Variants in FAF1 observed in about 807,000 individuals in gnomAD.
FAF1 encodes the protein FAS-associated factor 1.
In FAF1, 25 loss-of-function variants were observed where a neutral mutation model predicts 92.5. The ratio of observed to expected loss-of-function variants is 0.27; its 90% confidence interval spans 0.20 to 0.38. The LOEUF (loss-of-function observed/expected upper bound fraction) is 0.38, where lower values mean the gene tolerates loss of function less well. Ranked by LOEUF, FAF1 falls within the 10% of genes least tolerant of loss-of-function variation. The pLI is 1.00. For synonymous variants in FAF1, 234 were observed against 273.2 expected, an observed-to-expected ratio of 0.86 and a Z score of 1.42; for missense variants, 636 against 793.3, an observed-to-expected ratio of 0.80 and a Z score of 2.38.
In FAF1 at chr1:50,583,975, G is replaced by A. The variant is rs1049239322; in HGVS notation, c.968-260C>T. ...TTGAAAAACCAATGGACACAATCCTGCTAAGCATTTAAAATATGTGCCCAG... is the reference window on the plus strand; with the variant it reads ...TTGAAAAACCAATGGACACAATCCTACTAAGCATTTAAAATATGTGCCCAG... On this transcript the variant is annotated intron_variant, in intron 10 of 18. Transcript: ENST00000396153. The surrounding 1 kb of genome is among the most constrained non-coding windows in gnomAD (Gnocchi z 4.2). 2.0e-5 allele frequency among the ~76,000 whole-genome samples: 3 copies of A among 152,042 alleles called. No individual in the cohort carries two copies. The highest frequency in any genetic ancestry group is 7.2e-5 in the African/African-American group (3 of 41,420).
chr1:50,794,789 A>ATTTTTT (rs59806816), intron 3 of FAF1, among the ~76,000 whole-genome samples: 6 of 123,494 alleles, frequency 4.9e-5, no homozygotes, highest in Non-Finnish European at 3.4e-5. Context: ...TCACCCAGCT[A>ATTTTTT]TTTTTTTTTT....
chr1:50,648,866 C>A (rs1557454950), intron 8 of FAF1, among the ~76,000 whole-genome samples: 1 of 152,172 alleles, frequency 6.6e-6, no homozygotes, highest in Non-Finnish European at 1.5e-5. Context: ...GCGGAGGTTG[C>A]GGTGAGCCAA....
At chr1:50,946,849 AC>A (rs1177389333) in intron 1 of FAF1, among the ~76,000 whole-genome samples, 36 of 152,276 alleles carry the variant, frequency 2.4e-4, no homozygotes, top group African/African-American at 7.9e-4. Context: ...AGCCTAAAGA[AC>A]CCAAATCTTT....
intron 2 of FAF1, among the ~76,000 whole-genome samples, chr1:50,848,998 C>T (rs1207069394): frequency 1.3e-5 from 2 of 152,126 alleles, no homozygotes; most frequent in Admixed American, 1.3e-4. Flanking sequence ...GTGGCTCATG[C>T]CTATAATCCC....
At chr1:50,789,650 T>A (rs551727744) in intron 3 of FAF1, among the ~76,000 whole-genome samples, 1 of 152,312 alleles carries the variant, frequency 6.6e-6, no homozygotes, top group Admixed American at 6.5e-5. Flanking sequence ...TCCCTTTATA[T>A]GTACTCCTGC....
intron 8 of FAF1, among the ~76,000 whole-genome samples, chr1:50,625,698 G>A (rs984258509): frequency 1.3e-5 from 2 of 152,142 alleles, no homozygotes; most frequent in African/African-American, 4.8e-5. Context: ...GTGGTTGGAG[G>A]CCAGGTAAGG....
At chr1:50,594,270 G>A (rs1465258624) in intron 9 of FAF1, among the ~76,000 whole-genome samples, 11 of 149,666 alleles carry the variant, frequency 7.3e-5, no homozygotes, top group Admixed American at 4.0e-4. Context: ...AGCCGAGATC[G>A]CACCATTGCA....
intron 15 of FAF1, among the ~76,000 whole-genome samples, 163 bp downstream of exon 15, chr1:50,535,206 A>C (rs1648409611): frequency 6.6e-6 from 1 of 152,218 alleles, no homozygotes. Flanking sequence ...AAAAGAATGG[A>C]CTGAAAGGTA....
At chr1:50,804,042 C>T (rs1569974479) in intron 2 of FAF1, among the ~76,000 whole-genome samples, 1 of 152,052 alleles carries the variant, frequency 6.6e-6, no homozygotes, top group African/African-American at 2.4e-5. Flanking sequence ...CCAACATGTT[C>T]AATTTTGAAC....
Position 50,472,423 on chromosome 1 carries a change from A to AC in FAF1, c.1869+3040_1869+3041insG, listed in dbSNP as rs71059589. On this transcript the variant is annotated intron_variant, in intron 18 of 18. Coordinates refer to ENST00000396153, the MANE Select transcript of FAF1 (RefSeq NM_007051.3). The stretch of plus-strand genomic sequence containing the variant: ...CACACACACACACACACACACACAC[A>AC]AACCCCAAAACCAAGTAACTCAATG... Among the ~76,000 whole-genome samples, 1,057 of 130,738 alleles carry AC rather than the reference A, an allele frequency of 8.1e-3. 13 individuals are homozygous for AC. Among genetic ancestry groups the AC allele is most frequent in the African/African-American group, 0.02 (697 of 34,540 alleles). 85.8% of individuals were successfully genotyped at this position (130,738 alleles called of 152,430 possible).
In FAF1 at chr1:50,703,016, T is replaced by A. The variant is rs560241703; in HGVS notation, c.657+2770A>T. Among the ~76,000 whole-genome samples the A allele has an allele frequency of 1.6e-3, 249 of 151,634 alleles. 1 individual carries two copies. Among genetic ancestry groups the A allele is most frequent in the East Asian group, 7.1e-3 (37 of 5,182 alleles). ...AGGCTTTCAAAAATTAAAAAAAATA[T>A]ATATATAAAATACACTAAAAAAATG... On this transcript the variant is annotated intron_variant, in intron 7 of 18. Coordinates refer to ENST00000396153, the MANE Select transcript of FAF1 (RefSeq NM_007051.3).
At chr1:50,600,511 C>A (rs1178847102) in intron 8 of FAF1, among the ~76,000 whole-genome samples, 6 of 151,930 alleles carry the variant, frequency 3.9e-5, no homozygotes, top group Non-Finnish European at 1.5e-5. Flanking sequence ...AAGCTCCTTG[C>A]CACATATACA....
intron 7 of FAF1, among the ~76,000 whole-genome samples, chr1:50,676,414 A>AC (rs1391424789): frequency 1.3e-5 from 2 of 152,064 alleles, no homozygotes; most frequent in African/African-American, 4.8e-5. Context: ...TCTTAAAAAA[A>AC]AAAAAAGAAA....
At chr1:50,866,264 C>T (rs1644481035) in intron 1 of FAF1, among the ~76,000 whole-genome samples, 1 of 152,056 alleles carries the variant, frequency 6.6e-6, no homozygotes, top group African/African-American at 2.4e-5. Flanking sequence ...AAAGCATTCC[C>T]CCTGAGAACT....
chr1:50,699,075 A>G (rs1657356655), intron 7 of FAF1, among the ~76,000 whole-genome samples: 1 of 152,072 alleles, frequency 6.6e-6, no homozygotes, highest in East Asian at 1.9e-4. Flanking sequence ...GATAATAGCT[A>G]TAATTAAAAT....
At chr1:50,947,788 A>G (rs1047153967) in intron 1 of FAF1, among the ~76,000 whole-genome samples, 1 of 152,192 alleles carries the variant, frequency 6.6e-6, no homozygotes, top group Non-Finnish European at 1.5e-5. Flanking sequence ...ATTTAGTCAA[A>G]TCTTTATTTT....
At chr1:50,652,844 C>G (rs1247357021) in intron 8 of FAF1, among the ~76,000 whole-genome samples, 2 of 152,066 alleles carry the variant, frequency 1.3e-5, no homozygotes, top group Admixed American at 1.3e-4. Flanking sequence ...TTGCAGTTAT[C>G]TTAATTATAA....
At chr1:50,880,291 C>T (rs1229412172) in intron 1 of FAF1, among the ~76,000 whole-genome samples, 2 of 152,054 alleles carry the variant, frequency 1.3e-5, no homozygotes, top group African/African-American at 4.8e-5. Context: ...GGAAAAAGGG[C>T]TATCACAAAA....
intron 2 of FAF1, among the ~76,000 whole-genome samples, chr1:50,819,852 A>T (rs1177710949): frequency 7.0e-6 from 1 of 143,360 alleles, no homozygotes; most frequent in South Asian, 2.1e-4. Context: ...TATCAGCTTC[A>T]GCACTTACTA....
Sources: allele counts gnomAD v4.1 joint callset (sites outside exome capture counted in the v4.1 genomes callset), GRCh38; gene constraint gnomAD v4.1.1; non-coding constraint Gnocchi (gnomAD v3.1); transcripts MANE v1.5; gene names NCBI Gene and HGNC (gene_info 2026-07-23, HGNC 2026-07-21).